The following XRCC4 variants were observed in gnomAD, a reference collection of about 807,000 sequenced individuals.
XRCC4 encodes X-ray repair cross complementing 4, also known as DNA repair protein XRCC4.
XRCC4 carries 28 observed loss-of-function variants against 39.1 expected under a neutral mutation model. That is an observed-to-expected ratio of 0.72 (90% CI 0.53 to 0.98). XRCC4 has a LOEUF of 0.98. Ranked by LOEUF, XRCC4 falls within the 50% of genes least tolerant of loss-of-function variation. XRCC4 has a pLI of 0.00. For missense variants in XRCC4, 350 were observed against 376.4 expected, an observed-to-expected ratio of 0.93 and a Z score of 0.58; for synonymous variants, 123 against 126.4, an observed-to-expected ratio of 0.97 and a Z score of 0.18.
chr5:83,191,003 G>A (rs1255415565), intron 3 of XRCC4, among the ~76,000 whole-genome samples: 1 of 151,984 alleles, frequency 6.6e-6, no homozygotes, highest in Non-Finnish European at 1.5e-5. Flanking sequence ...TCTTAATGAG[G>A]ATTATTACAA....
At chr5:83,222,679 G>A (rs1265004487) in intron 6 of XRCC4, among the ~76,000 whole-genome samples, 3 of 152,000 alleles carry the variant, frequency 2.0e-5, no homozygotes, top group East Asian at 1.9e-4. Context: ...TTATTTCATC[G>A]TGGTCAGAAA....
chr5:83,263,927 A>G (rs113470607), intron 7 of XRCC4, among the ~76,000 whole-genome samples: 8,365 of 151,752 alleles, frequency 0.055, 767 homozygotes, highest in East Asian at 0.47. Flanking sequence ...GCCCATGCCT[A>G]TGTCCTGAAT....
At chr5:83,321,684 A>G (rs933413666) in intron 7 of XRCC4, among the ~76,000 whole-genome samples, 100 of 152,272 alleles carry the variant, frequency 6.6e-4, no homozygotes, top group African/African-American at 2.3e-3. Context: ...CATTAGATCC[A>G]TCTACCTTTC....
chr5:83,112,773 A>C (rs1223199919), intron 3 of XRCC4, among the ~76,000 whole-genome samples: 2 of 122,784 alleles, frequency 1.6e-5, no homozygotes, highest in Non-Finnish European at 3.6e-5. Context: ...AAATCATTAG[A>C]TCTCATGAGA....
chr5:83,261,456 C>T (rs1753746112), intron 7 of XRCC4, among the ~76,000 whole-genome samples: 1 of 151,952 alleles, frequency 6.6e-6, no homozygotes, highest in East Asian at 1.9e-4. Context: ...ACTTAAGTTT[C>T]CTAGGCCCTT....
chr5:83,355,295 T>C (rs1180094484), downstream of XRCC4, among the ~76,000 whole-genome samples: 1 of 152,166 alleles, frequency 6.6e-6, no homozygotes, highest in African/African-American at 2.4e-5. Context: ...AAAAGGTTTT[T>C]TCCATTATGC....
chr5:83,202,500 A>G (rs1378908097), intron 4 of XRCC4, among the ~76,000 whole-genome samples: 1 of 152,182 alleles, frequency 6.6e-6, no homozygotes, highest in Non-Finnish European at 1.5e-5. Flanking sequence ...GATTGTTGAA[A>G]GTTTAAGGGC....
At chr5:83,308,823 TTA>T (rs776014727) in intron 7 of XRCC4, among the ~76,000 whole-genome samples, 36 of 152,156 alleles carry the variant, frequency 2.4e-4, no homozygotes, top group Non-Finnish European at 4.6e-4. Flanking sequence ...TTTGTCCTAT[TTA>T]GTCTCAATTC....
chr5:83,111,337 C>A, intron 3 of XRCC4, 134 bp downstream of exon 3: 4 of 586,764 alleles, frequency 6.8e-6, no homozygotes, highest in Non-Finnish European at 2.6e-6. Context: ...TACTTGGTTT[C>A]CAAATTAGAA....
At chr5:83,331,074 G>C (rs913165040) in intron 7 of XRCC4, among the ~76,000 whole-genome samples, 12 of 152,084 alleles carry the variant, frequency 7.9e-5, no homozygotes, top group Non-Finnish European at 1.8e-4. Context: ...CTCTGATGCT[G>C]TGTGCCCTCC....
At chr5:83,240,718 A>G (rs1342414206) in intron 6 of XRCC4, among the ~76,000 whole-genome samples, 1 of 152,156 alleles carries the variant, frequency 6.6e-6, no homozygotes, top group Non-Finnish European at 1.5e-5. Context: ...GATAGCTGAA[A>G]TGGTGAAAGT....
chr5:83,322,138 A>G (rs1756096326), intron 7 of XRCC4, among the ~76,000 whole-genome samples: 1 of 151,864 alleles, frequency 6.6e-6, no homozygotes, highest in African/African-American at 2.4e-5. Flanking sequence ...AAATTGTGTT[A>G]TCTGAAGAAT....
intron 6 of XRCC4, among the ~76,000 whole-genome samples, chr5:83,254,150 G>A (rs1199806269): frequency 2.1e-5 from 3 of 140,996 alleles, no homozygotes; most frequent in South Asian, 2.2e-4. Context: ...ACATGTTGTC[G>A]TGACAAAAAA....
intron 7 of XRCC4, among the ~76,000 whole-genome samples, chr5:83,309,280 A>AT (rs1755603072): frequency 2.5e-5 from 3 of 120,128 alleles, no homozygotes; most frequent in Non-Finnish European, 3.2e-5. Flanking sequence ...AAAAAAAAAA[A>AT]AAAAAAAAAA....
In XRCC4 at chr5:83,230,916, T is replaced by A. The variant is rs112965674; in HGVS notation, c.745+25995T>A. On this transcript the variant is annotated intron_variant, in intron 6 of 7. Coordinates refer to ENST00000396027, the MANE Select transcript of XRCC4 (RefSeq NM_003401.5). ...GGAAAAATTACCCTCTTATAAGAAT[T>A]CATTTTTTTTTTGCATAGGGTTGCT... 5.9e-3 allele frequency among the ~76,000 whole-genome samples: 903 copies of A among 152,056 alleles called. 12 individuals are homozygous for A. Among genetic ancestry groups the A allele is most frequent in the African/African-American group, 0.021 (867 of 41,522 alleles).
intron 7 of XRCC4, among the ~76,000 whole-genome samples, chr5:83,292,694 C>A (rs1754959474): frequency 6.6e-6 from 1 of 151,794 alleles, no homozygotes; most frequent in Non-Finnish European, 1.5e-5. Context: ...TAGTTAATAT[C>A]CCAGTAGACT....
chr5:83,290,275 A>C (rs1369491112), intron 7 of XRCC4, among the ~76,000 whole-genome samples: 1 of 151,746 alleles, frequency 6.6e-6, no homozygotes, highest in Non-Finnish European at 1.5e-5. Flanking sequence ...TCATATAATA[A>C]ATTTATTTAA....
chr5:83,299,199 A>G (rs1755191536), intron 7 of XRCC4, among the ~76,000 whole-genome samples: 1 of 152,098 alleles, frequency 6.6e-6, no homozygotes, highest in African/African-American at 2.4e-5. Flanking sequence ...TACTGGAGCT[A>G]GAATTCTGAG....
At chr5:83,156,215 C>T (rs926748446) in intron 3 of XRCC4, among the ~76,000 whole-genome samples, 3 of 150,640 alleles carry the variant, frequency 2.0e-5, no homozygotes, top group Non-Finnish European at 4.4e-5. Context: ...GGTTACAATT[C>T]GTGTGCAGTT....
Sources: gnomAD v4.1 joint callset for allele counts (sites outside exome capture counted in the v4.1 genomes callset) on GRCh38, gnomAD v4.1.1 for gene constraint, MANE v1.5 for transcripts, NCBI Gene and HGNC (gene_info 2026-07-23, HGNC 2026-07-21) for gene names.